The following PSMD14 variants were observed in gnomAD, a reference collection of about 807,000 sequenced individuals.
PSMD14 encodes the protein proteasome 26S subunit, non-ATPase 14, also known as ubiquitin C-terminal hydrolase PSMD14.
Under a neutral mutation model 41.2 loss-of-function variants are expected in PSMD14, and 7 were observed. The observed-to-expected ratio is 0.17, with a 90% CI of 0.10 to 0.32. PSMD14 has a LOEUF of 0.32. Ranked by LOEUF, PSMD14 falls within the 10% of genes least tolerant of loss-of-function variation. The pLI, the probability that PSMD14 is intolerant of heterozygous loss-of-function variation, is 1.00. For synonymous variants in PSMD14, 114 were observed against 122.3 expected, an observed-to-expected ratio of 0.93 and a Z score of 0.45; for missense variants, 139 against 375.6, an observed-to-expected ratio of 0.37 and a Z score of 5.21.
At chr2:161,369,870 C>A (rs1217219410) in intron 5 of PSMD14, among the ~76,000 whole-genome samples, 1 of 151,922 alleles carries the variant, frequency 6.6e-6, no homozygotes, top group East Asian at 1.9e-4. Flanking sequence ...ACAGCAATGG[C>A]CATATACTCT....
chr2:161,359,150 T>A lies in PSMD14; in HGVS notation c.49-8328T>A, dbSNP rs1023984492. Among the ~76,000 whole-genome samples, 12 of 151,902 alleles carry A rather than the reference T, an allele frequency of 7.9e-5. No individual in the cohort carries two copies. The East Asian group carries it at 2.1e-3, about 27-fold the overall frequency. On this transcript the variant is annotated intron_variant, in intron 3 of 11. Transcript: ENST00000409682. ...TGCCTGGCAAATCTTTAAAAAAAAA[T>A]TTGTGGAGATGCGGTCTTACTATGT...
intron 9 of PSMD14, among the ~76,000 whole-genome samples, chr2:161,393,675 G>A (rs1186468699): frequency 1.3e-5 from 2 of 151,970 alleles, no homozygotes; most frequent in Non-Finnish European, 2.9e-5. Flanking sequence ...TTCTATTGAC[G>A]AAACAACAGT....
intron 3 of PSMD14, among the ~76,000 whole-genome samples, chr2:161,345,417 A>AT (rs1034168722): frequency 6.0e-5 from 9 of 150,844 alleles, no homozygotes; most frequent in African/African-American, 2.2e-4. Context: ...TAATTTTTCT[A>AT]TTTTTTGTAC....
chr2:161,374,298 T>C (rs928855714), intron 7 of PSMD14, among the ~76,000 whole-genome samples: 10 of 152,038 alleles, frequency 6.6e-5, no homozygotes, highest in Non-Finnish European at 1.5e-4. Flanking sequence ...GTAGGTATTA[T>C]GTATTATATA....
intron 3 of PSMD14, among the ~76,000 whole-genome samples, chr2:161,362,284 C>T (rs989229415): frequency 6.6e-6 from 1 of 152,152 alleles, no homozygotes; most frequent in South Asian, 2.1e-4. Context: ...TCAACACTTA[C>T]ATCTGTATTT....
At chr2:161,394,191 C>T (rs371214788) in intron 9 of PSMD14, among the ~76,000 whole-genome samples, 3 of 151,874 alleles carry the variant, frequency 2.0e-5, no homozygotes, top group African/African-American at 7.3e-5. Flanking sequence ...AGGCTGGTCT[C>T]GAATTCCTGA....
intron 10 of PSMD14, chr2:161,408,272 CTTTT>C (rs1356298500): frequency 2.6e-5 from 4 of 152,512 alleles, no homozygotes; most frequent in African/African-American, 9.6e-5. Flanking sequence ...ACATGTATTA[CTTTT>C]AGAGATGTAA....
chr2:161,389,527 T>C (rs560170399), intron 8 of PSMD14, among the ~76,000 whole-genome samples: 20 of 152,174 alleles, frequency 1.3e-4, no homozygotes, highest in Non-Finnish European at 2.6e-4. Flanking sequence ...GGATTTAATA[T>C]ACACTCTTGG....
intron 3 of PSMD14, among the ~76,000 whole-genome samples, chr2:161,338,859 C>T (rs943072349): frequency 1.4e-4 from 21 of 152,276 alleles, no homozygotes; most frequent in African/African-American, 5.1e-4. Context: ...TGTCACTATA[C>T]ATTAGTTTGC....
rs199633612 is a variant in PSMD14 at position 161,395,128 on chromosome 2, G to A, written c.696G>A (p.Gln232=). ...KKSWMEGLTL[Q]DYSEHCKHNE... is the part of the protein sequence containing the mutation. Reference sequence around the variant, plus strand: ...GTTGGATGGAAGGTTTGACACTTCAGGACTACAGTGAACATTGTAAACACA... The same window carrying A: ...GTTGGATGGAAGGTTTGACACTTCAAGACTACAGTGAACATTGTAAACACA... The change falls in exon 10 of 12, where the codon CAG becomes CAA. Residue 232 remains glutamine, a synonymous_variant. Coordinates refer to ENST00000409682, the MANE Select transcript of PSMD14 (RefSeq NM_005805.6). 237 of 1,598,854 alleles carry A rather than the reference G, an allele frequency of 1.5e-4. 1 individual carries two copies. The African/African-American group carries it at 2.9e-3, about 20-fold the overall frequency.
chr2:161,356,385 A>C (rs2105249961), intron 3 of PSMD14, among the ~76,000 whole-genome samples: 1 of 152,316 alleles, frequency 6.6e-6, no homozygotes, highest in African/African-American at 2.4e-5. Context: ...GGTAAGAGAT[A>C]AACAGTACAA....
intron 10 of PSMD14, chr2:161,408,450 A>G (rs575496890): frequency 5.5e-6 from 1 of 183,346 alleles, no homozygotes; most frequent in African/African-American, 2.4e-5. Context: ...AAATTGGGAA[A>G]GAACTGTGCA....
At chr2:161,310,931 A>G (rs891217627) in intron 1 of PSMD14, among the ~76,000 whole-genome samples, 5 of 152,214 alleles carry the variant, frequency 3.3e-5, no homozygotes, top group Admixed American at 1.3e-4. Context: ...GCATGCCACT[A>G]AATTTCTTGA....
intron 3 of PSMD14, among the ~76,000 whole-genome samples, chr2:161,349,013 G>A (rs1469567830): frequency 2.0e-5 from 3 of 152,148 alleles, no homozygotes; most frequent in Admixed American, 6.5e-5. Context: ...CTCACTCCCA[G>A]AGAGGCATCT....
chr2:161,320,891 G>A (rs942610503), intron 3 of PSMD14, among the ~76,000 whole-genome samples: 3 of 151,416 alleles, frequency 2.0e-5, no homozygotes, highest in African/African-American at 4.9e-5. Flanking sequence ...ACGCCCAGCC[G>A]ATTTTTGAAT....
chr2:161,362,685 G>A (rs939530766), intron 3 of PSMD14, among the ~76,000 whole-genome samples: 2 of 152,096 alleles, frequency 1.3e-5, no homozygotes, highest in Non-Finnish European at 2.9e-5. Context: ...ATTGTTTTCT[G>A]CCATCTAATG....
intron 3 of PSMD14, among the ~76,000 whole-genome samples, chr2:161,336,727 C>T (rs62197080): frequency 0.068 from 10,346 of 152,114 alleles, 486 homozygotes; most frequent in East Asian, 0.18. Context: ...AGGTGTGCGC[C>T]ACCATGCCTG....
chr2:161,356,282 C>T (rs1396152998), intron 3 of PSMD14, among the ~76,000 whole-genome samples: 2 of 152,116 alleles, frequency 1.3e-5, no homozygotes, highest in African/African-American at 4.8e-5. Flanking sequence ...CATTGAAGCT[C>T]ATGCAGTAGA....
chr2:161,321,312 G>C (rs1043506606), intron 3 of PSMD14, among the ~76,000 whole-genome samples: 5 of 152,104 alleles, frequency 3.3e-5, no homozygotes, highest in African/African-American at 9.7e-5. Context: ...GTTCCTTAAG[G>C]TTATTTTATT....
Sources: allele counts gnomAD v4.1 joint callset (sites outside exome capture counted in the v4.1 genomes callset), GRCh38; gene constraint gnomAD v4.1.1; transcripts MANE v1.5; gene names NCBI Gene and HGNC (gene_info 2026-07-23, HGNC 2026-07-21).